Variants in CSMD1 observed in about 807,000 individuals in gnomAD.
CSMD1 encodes the protein CUB and Sushi multiple domains 1.
CSMD1 carries 213 observed loss-of-function variants against 417.5 expected under a neutral mutation model. The ratio of observed to expected loss-of-function variants is 0.51; its 90% CI spans 0.46 to 0.57. The LOEUF is 0.57. CSMD1 is among the 20% of genes least tolerant of loss of function. The pLI, the probability that CSMD1 is intolerant of heterozygous loss-of-function variation, is 0.00. For synonymous variants in CSMD1, 2,862 were observed against 1,736.8 expected, an observed-to-expected ratio of 1.65 and a Z score of -16.11; for missense variants, 6,923 against 4,529.7, an observed-to-expected ratio of 1.53 and a Z score of -15.17.
chr8:4,159,631 C>T (rs1563202761), intron 3 of CSMD1, among the ~76,000 whole-genome samples: 1 of 152,158 alleles, frequency 6.6e-6, no homozygotes. Context: ...CTCTGTCGCC[C>T]AGGCTGGAGC....
At chr8:3,150,214 A>C (rs1243133295) in intron 40 of CSMD1, among the ~76,000 whole-genome samples, 1 of 152,160 alleles carries the variant, frequency 6.6e-6, no homozygotes, top group Non-Finnish European at 1.5e-5. Flanking sequence ...CGGGAGAAAC[A>C]GGGGCTCCTA....
intron 5 of CSMD1, among the ~76,000 whole-genome samples, chr8:3,948,079 G>A (rs992835605): frequency 2.0e-5 from 3 of 152,064 alleles, no homozygotes; most frequent in Admixed American, 2.0e-4. Context: ...GGTGGCAAGT[G>A]CCTTTAATCC....
chr8:4,578,601 G>T (rs778549649), intron 2 of CSMD1, among the ~76,000 whole-genome samples: 1 of 151,236 alleles, frequency 6.6e-6, no homozygotes. Context: ...CGGTTCACGA[G>T]GTCAGGAGTT....
At chr8:3,912,570 A>C (rs1808534059) in intron 5 of CSMD1, among the ~76,000 whole-genome samples, 1 of 152,176 alleles carries the variant, frequency 6.6e-6, no homozygotes, top group African/African-American at 2.4e-5. Flanking sequence ...GTGGTTTTGG[A>C]GATGAAAGTT....
intron 3 of CSMD1, among the ~76,000 whole-genome samples, chr8:4,325,336 G>C (rs1307159227): frequency 1.3e-5 from 2 of 152,162 alleles, no homozygotes; most frequent in African/African-American, 4.8e-5. Flanking sequence ...TGGAGGTGGA[G>C]GGTTCTCTTG....
intron 49 of CSMD1, among the ~76,000 whole-genome samples, chr8:3,066,424 T>C (rs2128996305): frequency 6.6e-6 from 1 of 152,354 alleles, no homozygotes; most frequent in Admixed American, 6.5e-5. Context: ...TCTTGCTGAC[T>C]TTTCCATTAC....
intron 3 of CSMD1, among the ~76,000 whole-genome samples, chr8:4,055,888 A>G (rs1216967550): frequency 6.6e-6 from 1 of 152,112 alleles, no homozygotes; most frequent in Non-Finnish European, 1.5e-5. Flanking sequence ...TAGCACTTAC[A>G]TACAAATGAT....
At chr8:3,768,678 T>C (rs1031587819) in intron 5 of CSMD1, among the ~76,000 whole-genome samples, 18 of 152,366 alleles carry the variant, frequency 1.2e-4, no homozygotes, top group African/African-American at 4.1e-4. Context: ...TGTTGTGTTA[T>C]TGCTCCTTTC....
At chr8:4,726,419 C>A (rs1809450054) in intron 1 of CSMD1, among the ~76,000 whole-genome samples, 1 of 152,024 alleles carries the variant, frequency 6.6e-6, no homozygotes, top group Non-Finnish European at 1.5e-5. Context: ...TAGTGTAGTT[C>A]ACAGAATTTG....
chr8:4,094,651 G>A (rs1462607635), intron 3 of CSMD1, among the ~76,000 whole-genome samples: 3 of 152,254 alleles, frequency 2.0e-5, no homozygotes, highest in South Asian at 2.1e-4. Context: ...ACATGTGGAA[G>A]TAGCGACCGC....
intron 1 of CSMD1, among the ~76,000 whole-genome samples, chr8:4,707,583 C>T (rs949121417): frequency 2.0e-5 from 3 of 151,910 alleles, no homozygotes; most frequent in South Asian, 2.1e-4. Context: ...TTACTGCAAA[C>T]GAGCAACAAG....
chr8:3,829,874 T>C (rs1348201366), intron 5 of CSMD1, among the ~76,000 whole-genome samples: 1 of 152,162 alleles, frequency 6.6e-6, no homozygotes, highest in Non-Finnish European at 1.5e-5. Context: ...GAAAACACTG[T>C]TATGTGAACA....
intron 2 of CSMD1, among the ~76,000 whole-genome samples, chr8:4,476,270 G>C (rs1388811432): frequency 6.6e-6 from 1 of 152,016 alleles, no homozygotes; most frequent in East Asian, 1.9e-4. Context: ...TATTCATCAT[G>C]ATAGAGACCG....
chr8:3,339,943 G>A (rs778395517), intron 23 of CSMD1, among the ~76,000 whole-genome samples: 1 of 152,172 alleles, frequency 6.6e-6, no homozygotes, highest in Non-Finnish European at 1.5e-5. Context: ...CACTTTTAAA[G>A]TTTTATTTTG....
At chr8:4,917,372 C>T (rs540567950) in intron 1 of CSMD1, among the ~76,000 whole-genome samples, 10 of 152,310 alleles carry the variant, frequency 6.6e-5, no homozygotes, top group South Asian at 2.1e-4. Flanking sequence ...CGGCGGCTCA[C>T]GCCTGTAACC....
intron 1 of CSMD1, among the ~76,000 whole-genome samples, chr8:4,866,820 AC>A (rs1490728873): frequency 6.6e-6 from 1 of 152,038 alleles, no homozygotes; most frequent in Admixed American, 6.5e-5. Flanking sequence ...CAGGATCCTT[AC>A]CTTTTCATGA....
chr8:4,369,286 G>A (rs754572787), intron 3 of CSMD1, among the ~76,000 whole-genome samples: 1 of 151,904 alleles, frequency 6.6e-6, no homozygotes, highest in Non-Finnish European at 1.5e-5. Context: ...CTTCATTTTT[G>A]TTTGTGCTGT....
At chr8:3,710,560 C>T (rs540861841) in intron 6 of CSMD1, among the ~76,000 whole-genome samples, 18 of 152,298 alleles carry the variant, frequency 1.2e-4, no homozygotes, top group African/African-American at 2.2e-4. Context: ...TCTTCCCTCA[C>T]TGATGTCACT....
chr8:3,719,916 T>C (rs1410503982), intron 6 of CSMD1, among the ~76,000 whole-genome samples: 1 of 152,124 alleles, frequency 6.6e-6, no homozygotes, highest in Non-Finnish European at 1.5e-5. Flanking sequence ...AGGTTAAAAA[T>C]GCCTCTAAAT....
Sources: gnomAD v4.1 joint callset for allele counts (sites outside exome capture counted in the v4.1 genomes callset) on GRCh38, gnomAD v4.1.1 for gene constraint, MANE v1.5 for transcripts, NCBI Gene and HGNC (gene_info 2026-07-23, HGNC 2026-07-21) for gene names.